Variants in KLRG2 observed in about 807,000 individuals in gnomAD.
KLRG2 encodes the protein killer cell lectin like receptor G2, also known as killer cell lectin-like receptor subfamily G member 2.
In KLRG2, 39 loss-of-function variants were observed where a neutral mutation model predicts 35.4. The ratio of observed to expected loss-of-function variants is 1.10; its 90% CI spans 0.85 to 1.44. The LOEUF (loss-of-function observed/expected upper bound fraction) is 1.44. Among genes scored for constraint, KLRG2 ranks in the 40% most tolerant of loss-of-function variants. The pLI, the probability that KLRG2 is intolerant of heterozygous loss-of-function variation, is 0.00. For missense variants in KLRG2, 632 were observed against 570.9 expected, an observed-to-expected ratio of 1.11 and a Z score of -1.09; for synonymous variants, 283 against 265.8, an observed-to-expected ratio of 1.06 and a Z score of -0.63.
intron 3 of KLRG2, among the ~76,000 whole-genome samples, chr7:139,461,973 C>A (rs1796576781): frequency 6.6e-6 from 1 of 152,212 alleles, no homozygotes; most frequent in South Asian, 2.1e-4. Context: ...AGGAACATCT[C>A]ACCAATTTTA....
chr7:139,483,436 C>A lies in KLRG2; in HGVS notation c.207G>T (p.Lys69Asn), dbSNP rs1229309851. The A allele has an allele frequency of 6.4e-7, 1 of 1,570,924 alleles. No individual in the cohort carries two copies. The highest frequency in any genetic ancestry group is 8.6e-7 in the Non-Finnish European group (1 of 1,169,174). The change falls in exon 1 of 5, where the codon AAG becomes AAT. Residue 69 changes from lysine to asparagine, a missense_variant. Lys to Asn is a moderately conservative substitution (Grantham distance 94). Coordinates refer to ENST00000340940, the MANE Select transcript of KLRG2 (RefSeq NM_198508.4). ...GGGACCCGGGGCGAGGCGAAGGCGG[C>A]TTTTTCTTGCTCGAGGGCTCCAGGC... Reference protein sequence around the residue: ...GAGLEPSSKKKPPSPRPGSPR... With the variant: ...GAGLEPSSKKNPPSPRPGSPR...
the KLRG2 span, among the ~76,000 whole-genome samples, chr7:139,428,592 C>T: frequency 6.6e-6 from 1 of 151,928 alleles, no homozygotes; most frequent in African/African-American, 2.4e-5. Context: ...TATTTTTGTT[C>T]AGAAAGTTTA....
chr7:139,432,497 A>G, the KLRG2 span, among the ~76,000 whole-genome samples: 12 of 151,000 alleles, frequency 7.9e-5, no homozygotes, highest in Non-Finnish European at 1.8e-4. Flanking sequence ...ATGGGTTTTT[A>G]TATATGTATG....
the KLRG2 span, among the ~76,000 whole-genome samples, chr7:139,430,347 A>G: frequency 6.6e-6 from 1 of 152,058 alleles, no homozygotes; most frequent in Non-Finnish European, 1.5e-5. Flanking sequence ...GGTTGTGGTG[A>G]GCCGAGATTG....
chr7:139,456,112 C>T (rs368892495), intron 3 of KLRG2, among the ~76,000 whole-genome samples: 11 of 152,040 alleles, frequency 7.2e-5, no homozygotes, highest in Non-Finnish European at 1.6e-4. Flanking sequence ...AGGAGCAGAG[C>T]GGTATAAATG....
chr7:139,445,793 G>GTATATATATATATATA, the KLRG2 span, among the ~76,000 whole-genome samples: 150 of 94,976 alleles, frequency 1.6e-3, 8 homozygotes, highest in Middle Eastern at 0.011. Flanking sequence ...ATATATATAT[G>GTATATATATATATATA]TGTGTATATA....
the KLRG2 span, among the ~76,000 whole-genome samples, chr7:139,441,861 C>G: frequency 2.7e-3 from 410 of 152,316 alleles, 3 homozygotes; most frequent in South Asian, 8.9e-3. Context: ...GGCTGCAGCA[C>G]ACAGCAGAAG....
At chr7:139,428,611 G>C in the KLRG2 span, among the ~76,000 whole-genome samples, 1 of 151,488 alleles carries the variant, frequency 6.6e-6, no homozygotes, top group Non-Finnish European at 1.5e-5. Flanking sequence ...TAATTTACTT[G>C]AAATCAATAT....
the KLRG2 span, among the ~76,000 whole-genome samples, chr7:139,438,237 ATTTATT>A: frequency 3.5e-4 from 53 of 152,168 alleles, no homozygotes; most frequent in Non-Finnish European, 6.5e-4. Context: ...ATGCAGTTTT[ATTTATT>A]TTTGAGATGG....
At chr7:139,434,716 G>A in the KLRG2 span, among the ~76,000 whole-genome samples, 7 of 152,220 alleles carry the variant, frequency 4.6e-5, no homozygotes, top group Non-Finnish European at 1.5e-5. Flanking sequence ...CAAAGAATCC[G>A]AAGTGTGCTT....
intron 3 of KLRG2, among the ~76,000 whole-genome samples, chr7:139,459,944 G>T (rs1796540509): frequency 6.6e-6 from 1 of 152,168 alleles, no homozygotes; most frequent in South Asian, 2.1e-4. Context: ...TAGAGACAGG[G>T]TTTCACCATG....
At chr7:139,455,737 G>A (rs191552337) in intron 3 of KLRG2, among the ~76,000 whole-genome samples, 4 of 152,152 alleles carry the variant, frequency 2.6e-5, no homozygotes, top group South Asian at 2.1e-4. Flanking sequence ...CTGAAATGTC[G>A]TTTGGTGCTA....
chr7:139,434,037 G>C, the KLRG2 span, among the ~76,000 whole-genome samples: 1 of 152,186 alleles, frequency 6.6e-6, no homozygotes, highest in Non-Finnish European at 1.5e-5. Flanking sequence ...CCCTGAGGCT[G>C]GGAGGAGCTG....
chr7:139,479,794 G>A (rs767754457), intron 2 of KLRG2, 22 bp from the exon 3 acceptor site: 4 of 1,610,200 alleles, frequency 2.5e-6, no homozygotes, highest in Non-Finnish European at 3.4e-6. Context: ...GAGACTGCTG[G>A]TGAGCTGCAG....
chr7:139,450,505 G>C (rs951219418), downstream of KLRG2, among the ~76,000 whole-genome samples: 5 of 152,296 alleles, frequency 3.3e-5, no homozygotes, highest in African/African-American at 1.2e-4. Context: ...TTACAGGGGT[G>C]AGCCACTGCG....
chr7:139,478,056 C>A (rs901890319), intron 3 of KLRG2, among the ~76,000 whole-genome samples: 1 of 149,344 alleles, frequency 6.7e-6, no homozygotes. Context: ...CTGTGCCCGG[C>A]CCACAATTTT....
At chr7:139,439,958 G>T in the KLRG2 span, among the ~76,000 whole-genome samples, 22 of 152,284 alleles carry the variant, frequency 1.4e-4, no homozygotes, top group South Asian at 4.6e-3. Flanking sequence ...CAAGGCATGA[G>T]CAGGGCCATG....
At chr7:139,427,500 TG>T in the KLRG2 span, among the ~76,000 whole-genome samples, 40 of 152,302 alleles carry the variant, frequency 2.6e-4, no homozygotes, top group Middle Eastern at 6.8e-3. Context: ...GATGCTCCTT[TG>T]GGAGACTGAT....
chr7:139,448,556 G>A (rs1275671779), downstream of KLRG2, among the ~76,000 whole-genome samples: 6 of 152,116 alleles, frequency 3.9e-5, no homozygotes, highest in Non-Finnish European at 5.9e-5. Context: ...TAGGCTGGGC[G>A]CAGTGGCTCA....
Sources: gnomAD v4.1 joint callset for allele counts (sites outside exome capture counted in the v4.1 genomes callset) on GRCh38, gnomAD v4.1.1 for gene constraint, MANE v1.5 for transcripts, NCBI Gene and HGNC (gene_info 2026-07-23, HGNC 2026-07-21) for gene names.